DNAH14: variants seen among roughly 807,000 people sequenced by gnomAD.
DNAH14 encodes the protein axonemal beta dynein heavy chain 14.
A neutral mutation model predicts 520.9 loss-of-function variants in DNAH14; 478 were observed. The observed-to-expected ratio is 0.92, with a 90% confidence interval of 0.85 to 0.99. The LOEUF is 0.99. Ranked by LOEUF, DNAH14 falls within the 50% of genes least tolerant of loss-of-function variation. The pLI is 0.00. For synonymous variants in DNAH14, 1,581 were observed against 1,757.2 expected, an observed-to-expected ratio of 0.90 and a Z score of 2.51; for missense variants, 4,831 against 5,234.5, an observed-to-expected ratio of 0.92 and a Z score of 2.38.
intron 8 of DNAH14, among the ~76,000 whole-genome samples, chr1:224,995,113 A>G (rs1310836063): frequency 6.6e-6 from 1 of 152,096 alleles, no homozygotes; most frequent in Non-Finnish European, 1.5e-5. Context: ...AGTATTCTGA[A>G]TATGGTTCAG....
intron 4 of DNAH14, 22 bp downstream of exon 4, chr1:224,960,324 A>G (rs200456979): frequency 1.7e-4 from 264 of 1,520,016 alleles, no homozygotes; most frequent in Admixed American, 5.4e-4. Context: ...CACTGAACCA[A>G]TTGCTTAGAA....
chr1:224,977,415 C>T (rs548844006), intron 8 of DNAH14, among the ~76,000 whole-genome samples: 3 of 152,050 alleles, frequency 2.0e-5, no homozygotes, highest in East Asian at 3.9e-4. Context: ...TGCAGCACAC[C>T]GGCATGGCAC....
chr1:225,166,970 T>C (rs1184037343), intron 35 of DNAH14, among the ~76,000 whole-genome samples: 1 of 152,248 alleles, frequency 6.6e-6, no homozygotes, highest in Non-Finnish European at 1.5e-5. Flanking sequence ...CCCTACGATC[T>C]GTGCATACAA....
chr1:225,197,602 A>G (rs566014796), intron 38 of DNAH14, among the ~76,000 whole-genome samples: 3 of 152,218 alleles, frequency 2.0e-5, no homozygotes, highest in African/African-American at 4.8e-5. Flanking sequence ...TTTGACGGAA[A>G]TTGTGTTGAA....
At chr1:225,083,228 G>A (rs1035867581) in intron 20 of DNAH14, among the ~76,000 whole-genome samples, 1 of 151,758 alleles carries the variant, frequency 6.6e-6, no homozygotes, top group Admixed American at 6.6e-5. Flanking sequence ...ATTTTTCCAT[G>A]ATTAAAAACT....
intron 11 of DNAH14, among the ~76,000 whole-genome samples, chr1:225,033,716 T>G (rs979097083): frequency 4.6e-5 from 7 of 152,236 alleles, no homozygotes; most frequent in Admixed American, 3.9e-4. Context: ...GGGATGTTTT[T>G]CTATTTCTCT....
intron 37 of DNAH14, among the ~76,000 whole-genome samples, chr1:225,191,840 C>T (rs1019726337): frequency 6.6e-6 from 1 of 152,138 alleles, no homozygotes; most frequent in African/African-American, 2.4e-5. Flanking sequence ...TTGAATGCCA[C>T]TGTTGATTTT....
intron 35 of DNAH14, among the ~76,000 whole-genome samples, chr1:225,163,137 C>CAAA (rs34356854): frequency 0.018 from 960 of 53,554 alleles, 21 homozygotes; most frequent in African/African-American, 0.035. Context: ...GACCCTATCT[C>CAAA]AAAAAAAAAA....
intron 41 of DNAH14, among the ~76,000 whole-genome samples, chr1:225,227,906 C>T (rs552429406): frequency 6.6e-6 from 1 of 152,128 alleles, no homozygotes; most frequent in African/African-American, 2.4e-5. Context: ...TCCATTACAC[C>T]CCAAAACTCC....
chr1:224,989,507 C>A (rs10915757), intron 8 of DNAH14, among the ~76,000 whole-genome samples: 1 of 151,934 alleles, frequency 6.6e-6, no homozygotes, highest in Non-Finnish European at 1.5e-5. Context: ...TATTGGTTAT[C>A]TGTAAATAGG....
chr1:225,150,559 CT>C (rs753045853), intron 31 of DNAH14, among the ~76,000 whole-genome samples: 36 of 152,094 alleles, frequency 2.4e-4, no homozygotes, highest in Non-Finnish European at 4.7e-4. Flanking sequence ...CTATTTATTA[CT>C]GATTAAATTT....
chr1:225,226,904 G>T (rs1021002251), intron 41 of DNAH14, among the ~76,000 whole-genome samples: 12 of 152,074 alleles, frequency 7.9e-5, no homozygotes, highest in African/African-American at 2.9e-4. Flanking sequence ...TTAAGGAAAG[G>T]TGCTGTGACT....
At chr1:225,106,346 G>T (rs932330681) in intron 23 of DNAH14, among the ~76,000 whole-genome samples, 3 of 151,752 alleles carry the variant, frequency 2.0e-5, no homozygotes, top group Non-Finnish European at 4.4e-5. Flanking sequence ...TGGTGAATCT[G>T]ACAATTATGT....
intron 7 of DNAH14, 151 bp from the exon 8 acceptor site, chr1:224,973,940 A>C: frequency 2.8e-6 from 1 of 358,134 alleles, no homozygotes; most frequent in Non-Finnish European, 4.9e-6. Context: ...TTGGGAGAAA[A>C]TTTATATGGC....
At chr1:225,263,663 T>G (rs1419180627) in intron 46 of DNAH14, among the ~76,000 whole-genome samples, 1 of 152,016 alleles carries the variant, frequency 6.6e-6, no homozygotes, top group Non-Finnish European at 1.5e-5. Flanking sequence ...GCCTTAAACA[T>G]CTGAGAAATA....
intron 27 of DNAH14, among the ~76,000 whole-genome samples, chr1:225,124,076 A>G (rs2077499994): frequency 3.9e-5 from 6 of 152,144 alleles, no homozygotes; most frequent in Admixed American, 3.9e-4. Context: ...TAACTGTACA[A>G]TAGAGTTCTG....
At chr1:225,238,341 T>G (rs1303094120) in intron 42 of DNAH14, among the ~76,000 whole-genome samples, 1 of 152,194 alleles carries the variant, frequency 6.6e-6, no homozygotes, top group Non-Finnish European at 1.5e-5. Flanking sequence ...TCTGTCTCTT[T>G]TTCTTTTAGA....
chr1:225,216,183 G>A (rs12760085), intron 41 of DNAH14, among the ~76,000 whole-genome samples: 18,855 of 152,164 alleles, frequency 0.12, 1,327 homozygotes, highest in East Asian at 0.31. Context: ...ATGAAATTCT[G>A]GGTTGAAAAT....
intron 65 of DNAH14, 49 bp from the exon 66 acceptor site, chr1:225,333,242 A>C (rs541706923): frequency 7.3e-7 from 1 of 1,376,102 alleles, no homozygotes; most frequent in South Asian, 1.5e-5. Flanking sequence ...AAAATATCTC[A>C]TGATAATATA....
Sources: allele counts gnomAD v4.1 joint callset (sites outside exome capture counted in the v4.1 genomes callset), GRCh38; gene constraint gnomAD v4.1.1; transcripts MANE v1.5; gene names NCBI Gene and HGNC (gene_info 2026-07-23, HGNC 2026-07-21).